The following RYR3 variants were observed in gnomAD, a reference collection of about 807,000 sequenced individuals.
RYR3 encodes brain ryanodine receptor-calcium release channel.
A neutral mutation model predicts 584.3 loss-of-function variants in RYR3; 207 were observed. The ratio of observed to expected loss-of-function variants is 0.35; its 90% CI spans 0.32 to 0.40. The LOEUF (loss-of-function observed/expected upper bound fraction) is 0.40. Among genes scored for constraint, RYR3 ranks in the 10% least tolerant of loss-of-function variants. RYR3 has a pLI of 1.00. For missense variants in RYR3, 5,616 were observed against 6,089.2 expected (o/e 0.92, Z 2.59); for synonymous variants, 2,416 against 2,248.5 (o/e 1.07, Z -2.11).
intron 38 of RYR3, among the ~76,000 whole-genome samples, chr15:33,683,945 A>C (rs1348560093): frequency 2.0e-5 from 3 of 152,358 alleles, no homozygotes; most frequent in African/African-American, 7.2e-5. Flanking sequence ...GGCGTCTGCC[A>C]TTGCTGAGGC....
chr15:33,514,027 A>G (rs978932208), intron 3 of RYR3, among the ~76,000 whole-genome samples: 7 of 152,234 alleles, frequency 4.6e-5, no homozygotes, highest in Non-Finnish European at 7.3e-5. Flanking sequence ...AGTTTTGCCC[A>G]AATATCAGAT....
chr15:33,847,994 GC>G (rs1357306678), intron 93 of RYR3, among the ~76,000 whole-genome samples: 1 of 152,172 alleles, frequency 6.6e-6, no homozygotes, highest in Non-Finnish European at 1.5e-5. Flanking sequence ...CAACCCTGGG[GC>G]TCATCTAGGC....
At chr15:33,586,207 A>T in intron 16 of RYR3, 91 bp downstream of exon 16, 2 of 776,916 alleles carry the variant, frequency 2.6e-6, no homozygotes, top group Non-Finnish European at 4.5e-6. Context: ...CATGTTGATT[A>T]GTCTTTCTTG....
At chr15:33,854,965 A>G (rs2079491316) in intron 98 of RYR3, 53 bp downstream of exon 98, 3 of 1,512,442 alleles carry the variant, frequency 2.0e-6, no homozygotes, top group East Asian at 2.3e-5. Context: ...CACAGGAAAA[A>G]AAGAACAGCA....
At chr15:33,842,180 T>C in intron 91 of RYR3, 145 bp downstream of exon 91, 4 of 911,778 alleles carry the variant, frequency 4.4e-6, no homozygotes, top group Non-Finnish European at 6.5e-6. Flanking sequence ...CCCATGTGTC[T>C]ACCTATTCCT....
chr15:33,522,639 T>A (rs1335955706), intron 3 of RYR3, among the ~76,000 whole-genome samples: 1 of 151,954 alleles, frequency 6.6e-6, no homozygotes, highest in Non-Finnish European at 1.5e-5. Flanking sequence ...GGTTTGGCAA[T>A]TAGCCAGTTG....
chr15:33,737,234 C>G (rs1043762327), intron 49 of RYR3, among the ~76,000 whole-genome samples: 1 of 152,220 alleles, frequency 6.6e-6, no homozygotes, highest in Non-Finnish European at 1.5e-5. Context: ...GCTGGGATTA[C>G]AGCAGGTGTG....
At chr15:33,488,643 G>A (rs1323021741) in intron 2 of RYR3, among the ~76,000 whole-genome samples, 1 of 152,038 alleles carries the variant, frequency 6.6e-6, no homozygotes, top group East Asian at 1.9e-4. Context: ...ACAAGGTCAG[G>A]AGATCGAGAC....
chr15:33,567,506 T>A (rs1234345815), intron 12 of RYR3, among the ~76,000 whole-genome samples: 2 of 152,224 alleles, frequency 1.3e-5, no homozygotes, highest in African/African-American at 4.8e-5. Context: ...CTTCTCTTGC[T>A]GTTGAAGGAC....
Position 33,797,641 on chromosome 15 carries a change from G to A in RYR3, c.9831-3129G>A, listed in dbSNP as rs554787516. 1.1e-4 allele frequency among the ~76,000 whole-genome samples: 17 copies of A among 152,126 alleles called. No homozygotes were observed. In the South Asian group the frequency reaches 2.3e-3, roughly 21 times the overall value. Reference sequence around the variant, plus strand: ...TTCAGCTGAAACCGCATTCTCACACGAAGGCAACAAGATGAAAATCCTCTT... The same window carrying A: ...TTCAGCTGAAACCGCATTCTCACACAAAGGCAACAAGATGAAAATCCTCTT... On this transcript the variant is annotated intron_variant, in intron 67 of 103. Transcript: ENST00000634891.
intron 38 of RYR3, among the ~76,000 whole-genome samples, chr15:33,686,886 ACT>A (rs1353457245): frequency 1.3e-5 from 2 of 152,080 alleles, no homozygotes; most frequent in East Asian, 3.8e-4. Context: ...CATGCTAAAA[ACT>A]CTCAATAAAC....
chr15:33,721,235 C>T (rs1007681474), intron 43 of RYR3, among the ~76,000 whole-genome samples: 11 of 152,178 alleles, frequency 7.2e-5, no homozygotes, highest in African/African-American at 2.7e-4. Flanking sequence ...CTCCACCCAA[C>T]ATCCAGTATG....
Position 33,800,874 on chromosome 15 carries a change from G to C in RYR3, c.9918+17G>C, listed in dbSNP as rs200822329. On this transcript the variant is annotated intron_variant, in intron 68 of 103. Coordinates refer to ENST00000634891, the MANE Select transcript of RYR3 (RefSeq NM_001036.6). Reference sequence around the variant, plus strand: ...AAATCTCATGTAAGAACACATTTGGGCCCTGGGTTTAGAATGGTTGTGAAA... The same window carrying C: ...AAATCTCATGTAAGAACACATTTGGCCCCTGGGTTTAGAATGGTTGTGAAA... The C allele has an allele frequency of 4.9e-5, 77 of 1,572,344 alleles. No homozygotes were observed. In the African/African-American group the frequency reaches 9.7e-4, roughly 20 times the overall value.
intron 67 of RYR3, among the ~76,000 whole-genome samples, chr15:33,797,292 C>A (rs988261014): frequency 6.6e-6 from 1 of 152,080 alleles, no homozygotes; most frequent in Non-Finnish European, 1.5e-5. Flanking sequence ...ATAAAAGAGA[C>A]CCACAGATCA....
chr15:33,764,109 A>T (rs912882715), intron 60 of RYR3, among the ~76,000 whole-genome samples: 1 of 152,094 alleles, frequency 6.6e-6, no homozygotes, highest in Non-Finnish European at 1.5e-5. Flanking sequence ...AAATTATTCT[A>T]ATATAAAGAC....
chr15:33,794,671 T>C (rs1451791868), intron 67 of RYR3, among the ~76,000 whole-genome samples: 1 of 152,148 alleles, frequency 6.6e-6, no homozygotes, highest in Non-Finnish European at 1.5e-5. Flanking sequence ...TCATCATTAA[T>C]TCATTCATCC....
intron 1 of RYR3, among the ~76,000 whole-genome samples, chr15:33,447,988 T>C (rs2046814539): frequency 6.6e-6 from 1 of 152,226 alleles, no homozygotes; most frequent in Non-Finnish European, 1.5e-5. Context: ...AATAAAAATA[T>C]ATTTTCTAAA....
chr15:33,727,886 G>A (rs1299440471), intron 46 of RYR3, among the ~76,000 whole-genome samples: 1 of 152,148 alleles, frequency 6.6e-6, no homozygotes, highest in African/African-American at 2.4e-5. Flanking sequence ...TCGAAATCCT[G>A]TCTTTATTCT....
chr15:33,847,168 A>T (rs1034305930), intron 93 of RYR3: 2 of 152,238 alleles, frequency 1.3e-5, no homozygotes, highest in African/African-American at 4.8e-5. Context: ...TCATCTGTGT[A>T]CTAACAGTCA....
Sources: allele counts gnomAD v4.1 joint callset (sites outside exome capture counted in the v4.1 genomes callset), GRCh38; gene constraint gnomAD v4.1.1; transcripts MANE v1.5; gene names NCBI Gene and HGNC (gene_info 2026-07-23, HGNC 2026-07-21).